Variants in ZNF503 observed in about 807,000 individuals in gnomAD.
The protein encoded by ZNF503 is zinc finger protein 503.
Under a neutral mutation model 34.4 loss-of-function variants are expected in ZNF503, and 15 were observed. That is an observed-to-expected ratio of 0.44 (90% CI 0.29 to 0.67). ZNF503 has a LOEUF of 0.67. Among genes scored for constraint, ZNF503 ranks in the 30% least tolerant of loss-of-function variants. The pLI, the probability that ZNF503 is intolerant of heterozygous loss-of-function variation, is 0.13. For synonymous variants in ZNF503, 580 were observed against 456.8 expected, an observed-to-expected ratio of 1.27 and a Z score of -3.44; for missense variants, 1,007 against 926.8, an observed-to-expected ratio of 1.09 and a Z score of -1.12.
At chr10:75,348,976 C>T in the ZNF503 span, among the ~76,000 whole-genome samples, 1,170 of 152,230 alleles carry the variant, frequency 7.7e-3, 16 homozygotes, top group African/African-American at 0.027. Context: ...CTCTCTCTCT[C>T]CCTTCCTGTT....
At chr10:75,337,618 C>A in the ZNF503 span, among the ~76,000 whole-genome samples, 15 of 148,338 alleles carry the variant, frequency 1.0e-4, no homozygotes, top group African/African-American at 1.0e-4. Flanking sequence ...ACTCCGTCTC[C>A]AAAAGAAAAA....
chr10:75,345,824 TC>T, the ZNF503 span, among the ~76,000 whole-genome samples: 1 of 152,046 alleles, frequency 6.6e-6, no homozygotes, highest in Non-Finnish European at 1.5e-5. Context: ...ACCCAGGCAT[TC>T]CGTGCTGTGG....
At chr10:75,354,922 T>C in the ZNF503 span, among the ~76,000 whole-genome samples, 556 of 152,302 alleles carry the variant, frequency 3.7e-3, 5 homozygotes, top group African/African-American at 0.012. Flanking sequence ...CTCGGCTCAC[T>C]GCAACCTCTG....
At chr10:75,333,628 C>T in the ZNF503 span, among the ~76,000 whole-genome samples, 1 of 64,158 alleles carries the variant, frequency 1.6e-5, no homozygotes, top group Admixed American at 1.3e-4. Context: ...GCTGGCCAGG[C>T]GGGGGGCTGA....
At chr10:75,294,022 C>A in the ZNF503 span, among the ~76,000 whole-genome samples, 1 of 152,150 alleles carries the variant, frequency 6.6e-6, no homozygotes, top group Non-Finnish European at 1.5e-5. Context: ...GAATGCCCCA[C>A]CTTCACAAGG....
At chr10:75,324,886 CA>C in the ZNF503 span, among the ~76,000 whole-genome samples, 1 of 152,148 alleles carries the variant, frequency 6.6e-6, no homozygotes, top group African/African-American at 2.4e-5. Flanking sequence ...TTTCACTTAG[CA>C]TAATATTTTC....
chr10:75,344,833 G>A, the ZNF503 span, among the ~76,000 whole-genome samples: 47 of 152,278 alleles, frequency 3.1e-4, no homozygotes, highest in South Asian at 5.0e-3. Flanking sequence ...CCCAAGCTTC[G>A]CCAGCCATGG....
chr10:75,304,079 C>T, the ZNF503 span, among the ~76,000 whole-genome samples: 1 of 152,180 alleles, frequency 6.6e-6, no homozygotes, highest in South Asian at 2.1e-4. Context: ...AGTGATCTGC[C>T]TGCCTTGGCC....
the ZNF503 span, among the ~76,000 whole-genome samples, chr10:75,377,307 ATC>A: frequency 1.3e-5 from 2 of 152,212 alleles, no homozygotes; most frequent in Non-Finnish European, 2.9e-5. Flanking sequence ...AGGGCACAAA[ATC>A]TCCAGAGTTT....
the ZNF503 span, among the ~76,000 whole-genome samples, chr10:75,318,923 C>G: frequency 6.7e-6 from 1 of 149,198 alleles, no homozygotes; most frequent in Admixed American, 6.7e-5. Context: ...TTCTTCCTTC[C>G]TTCTTTCCTT....
the ZNF503 span, among the ~76,000 whole-genome samples, chr10:75,380,605 G>C: frequency 2.4e-4 from 36 of 152,318 alleles, no homozygotes; most frequent in African/African-American, 8.2e-4. Context: ...GCCAGGTCTT[G>C]AGTGGAAACT....
chr10:75,389,556 C>T, the ZNF503 span, among the ~76,000 whole-genome samples: 2 of 152,072 alleles, frequency 1.3e-5, no homozygotes, highest in East Asian at 3.9e-4. Context: ...ATGGTGAAAC[C>T]CCATCTCTAC....
chr10:75,343,970 G>T, the ZNF503 span, among the ~76,000 whole-genome samples: 9 of 152,332 alleles, frequency 5.9e-5, no homozygotes, highest in East Asian at 1.2e-3. Flanking sequence ...TTCAGCTGGT[G>T]GTGGCAGGTC....
chr10:75,344,746 T>C, the ZNF503 span, among the ~76,000 whole-genome samples: 1 of 152,220 alleles, frequency 6.6e-6, no homozygotes, highest in Non-Finnish European at 1.5e-5. Context: ...CAAAGACATT[T>C]CTAATATAGA....
the ZNF503 span, among the ~76,000 whole-genome samples, chr10:75,319,252 C>A: frequency 6.6e-6 from 1 of 152,030 alleles, no homozygotes; most frequent in African/African-American, 2.4e-5. Flanking sequence ...CTGTGCCAGG[C>A]CAAATTTTCA....
chr10:75,295,335 A>G, the ZNF503 span, among the ~76,000 whole-genome samples: 12 of 151,976 alleles, frequency 7.9e-5, no homozygotes, highest in African/African-American at 2.9e-4. The surrounding 1 kb of genome is among the most constrained non-coding windows in gnomAD (Gnocchi z 4.0). Flanking sequence ...GGCCTCTCCC[A>G]AAGTTGTGCC....
At chr10:75,374,962 C>T in the ZNF503 span, among the ~76,000 whole-genome samples, 1 of 152,164 alleles carries the variant, frequency 6.6e-6, no homozygotes, top group Non-Finnish European at 1.5e-5. Flanking sequence ...CCACCCCAAC[C>T]AGGAGCTTCT....
the ZNF503 span, among the ~76,000 whole-genome samples, chr10:75,335,009 A>G: frequency 6.6e-6 from 1 of 152,234 alleles, no homozygotes; most frequent in Non-Finnish European, 1.5e-5. Flanking sequence ...GCAATCCACC[A>G]TATCCAGAAG....
the ZNF503 span, among the ~76,000 whole-genome samples, chr10:75,339,872 C>A: frequency 1.3e-5 from 2 of 151,946 alleles, no homozygotes; most frequent in African/African-American, 4.8e-5. Flanking sequence ...TTTTTCTGGG[C>A]CACCTCTCTG....
Sources: gnomAD v4.1 joint callset for allele counts (sites outside exome capture counted in the v4.1 genomes callset) on GRCh38, gnomAD v4.1.1 for gene constraint, Gnocchi (gnomAD v3.1) non-coding constraint, MANE v1.5 for transcripts, NCBI Gene and HGNC (gene_info 2026-07-23, HGNC 2026-07-21) for gene names.